MYO1D: variants seen among roughly 807,000 people sequenced by gnomAD.
MYO1D encodes the protein unconventional myosin-Id.
Under a neutral mutation model 122.0 loss-of-function variants are expected in MYO1D, and 83 were observed. That is an observed-to-expected ratio of 0.68 (90% confidence interval 0.57 to 0.82). The LOEUF (loss-of-function observed/expected upper bound fraction) is 0.82, where lower values mean the gene tolerates loss of function less well. Among genes scored for constraint, MYO1D ranks in the 40% least tolerant of loss-of-function variants. The probability of loss-of-function intolerance (pLI) is 0.00; values close to 1 mark genes in which losing one functional copy is unlikely to be tolerated. For missense variants in MYO1D, 1,157 were observed against 1,269.5 expected (o/e 0.91, Z 1.35); for synonymous variants, 464 against 446.9 (o/e 1.04, Z -0.48).
At chr17:32,524,491 C>G (rs1910270246) in intron 21 of MYO1D, among the ~76,000 whole-genome samples, 1 of 151,566 alleles carries the variant, frequency 6.6e-6, no homozygotes, top group South Asian at 2.1e-4. Flanking sequence ...CTTCTGGGTT[C>G]AAGCAATCCT....
chr17:32,840,941 C>T (rs1046615474), intron 1 of MYO1D, among the ~76,000 whole-genome samples: 1 of 152,150 alleles, frequency 6.6e-6, no homozygotes, highest in Admixed American at 6.5e-5. Context: ...ACCCATAAAA[C>T]CATTCTGTTT....
At chr17:32,629,436 T>G (rs1262063158) in intron 20 of MYO1D, among the ~76,000 whole-genome samples, 1 of 152,014 alleles carries the variant, frequency 6.6e-6, no homozygotes, top group East Asian at 1.9e-4. Flanking sequence ...GAGAATCCAC[T>G]TATATTAAAA....
chr17:32,751,809 C>T (rs1247473056), intron 11 of MYO1D, among the ~76,000 whole-genome samples: 1 of 152,126 alleles, frequency 6.6e-6, no homozygotes, highest in African/African-American at 2.4e-5. Flanking sequence ...ATACAATGCT[C>T]ATGGATTGGA....
chr17:32,553,445 G>A (rs548959549), intron 21 of MYO1D, among the ~76,000 whole-genome samples: 55 of 152,288 alleles, frequency 3.6e-4, no homozygotes, highest in Middle Eastern at 3.4e-3. Flanking sequence ...GAAGCAGTGT[G>A]TGCAATTACC....
intron 21 of MYO1D, among the ~76,000 whole-genome samples, chr17:32,560,512 T>A (rs1597897924): frequency 1.3e-5 from 1 of 79,414 alleles, no homozygotes; most frequent in Non-Finnish European, 2.6e-5. Context: ...AAAAAAAAAG[T>A]AATACCCAGA....
intron 1 of MYO1D, among the ~76,000 whole-genome samples, chr17:32,787,705 C>T (rs929486874): frequency 6.6e-5 from 10 of 152,162 alleles, no homozygotes; most frequent in South Asian, 2.1e-4. Flanking sequence ...GCGTGAGCCA[C>T]GGTGCCAGGC....
chr17:32,513,152 A>G (rs1435545872), intron 21 of MYO1D, among the ~76,000 whole-genome samples: 1 of 152,222 alleles, frequency 6.6e-6, no homozygotes, highest in Non-Finnish European at 1.5e-5. Context: ...TGTGGTATAC[A>G]GTAGGTGCTT....
At chr17:32,742,568 C>T (rs1598057228) in intron 13 of MYO1D, among the ~76,000 whole-genome samples, 1 of 152,214 alleles carries the variant, frequency 6.6e-6, no homozygotes, top group Admixed American at 6.5e-5. Context: ...CCAAATAAGG[C>T]TGTTTTTTCT....
chr17:32,780,047 A>C (rs1318054313), intron 2 of MYO1D, among the ~76,000 whole-genome samples: 1 of 152,048 alleles, frequency 6.6e-6, no homozygotes, highest in Non-Finnish European at 1.5e-5. Context: ...GTTTGGCTCC[A>C]GTCCTCAAAC....
At chr17:32,693,958 C>T (rs1353054978) in intron 16 of MYO1D, among the ~76,000 whole-genome samples, 3 of 152,180 alleles carry the variant, frequency 2.0e-5, no homozygotes, top group African/African-American at 7.2e-5. Context: ...AAGGGCTTTA[C>T]ATTTGCCAAT....
chr17:32,553,401 C>T lies in MYO1D; in HGVS notation c.2864+51686G>A, dbSNP rs369368240. Among the ~76,000 whole-genome samples, 274 of 152,214 alleles carry T rather than the reference C, an allele frequency of 1.8e-3. 1 individual carries two copies. Among genetic ancestry groups the T allele is most frequent in the African/African-American group, 6.4e-3 (264 of 41,520 alleles). Reference sequence around the variant, plus strand: ...TGGTTCCTGAAAGAGGAGTGGCTCACCAGGAAGAGCAGGGGAGAGTATTGT... The same window carrying T: ...TGGTTCCTGAAAGAGGAGTGGCTCATCAGGAAGAGCAGGGGAGAGTATTGT... On this transcript the variant is annotated intron_variant, in intron 21 of 21. Transcript: ENST00000318217.
intron 21 of MYO1D, among the ~76,000 whole-genome samples, chr17:32,566,639 A>G (rs142158364): frequency 1.3e-5 from 2 of 151,932 alleles, no homozygotes; most frequent in Non-Finnish European, 1.5e-5. Flanking sequence ...CAGTTGGGAA[A>G]ACATTTTTTG....
At chr17:32,592,496 C>A (rs966405455) in intron 21 of MYO1D, among the ~76,000 whole-genome samples, 9 of 152,144 alleles carry the variant, frequency 5.9e-5, no homozygotes, top group African/African-American at 2.2e-4. Flanking sequence ...TCTATGATTT[C>A]AGTTTTTACA....
intron 15 of MYO1D, among the ~76,000 whole-genome samples, chr17:32,716,692 G>C (rs1166845938): frequency 1.3e-5 from 2 of 152,172 alleles, no homozygotes; most frequent in Non-Finnish European, 2.9e-5. Context: ...TCATCATATG[G>C]GTAGTGCTGG....
At position 32,563,254 on chromosome 17, in the gene MYO1D, G is replaced by C. The variant is rs143874541; in HGVS notation, c.2864+41833C>G. Among the ~76,000 whole-genome samples, 209 of 129,054 alleles carry C rather than the reference G, an allele frequency of 1.6e-3. 1 individual carries two copies. The highest frequency in any genetic ancestry group is 6.1e-3 in the African/African-American group (203 of 33,274). 84.7% of individuals were successfully genotyped at this position (129,054 alleles called of 152,430 possible). A position where few individuals can be genotyped will look rare whatever the true frequency, so the allele number is the denominator to read the frequency against. On this transcript the variant is annotated intron_variant, in intron 21 of 21. Transcript: ENST00000318217. ...AGACAGAGTCTTGCTCTGTTGCCCA[G>C]GCTGGAGCGTAGTGGCACAATCCTG...
chr17:32,701,215 A>G (rs1232252345), intron 16 of MYO1D, among the ~76,000 whole-genome samples: 1 of 152,188 alleles, frequency 6.6e-6, no homozygotes, highest in Admixed American at 6.5e-5. Flanking sequence ...AAATTACCAA[A>G]ATTAATCCCA....
intron 20 of MYO1D, among the ~76,000 whole-genome samples, chr17:32,625,208 C>T (rs1371402264): frequency 6.6e-6 from 1 of 152,112 alleles, no homozygotes; most frequent in Non-Finnish European, 1.5e-5. Context: ...CACTAATCCT[C>T]AAAAGGTTAA....
intron 8 of MYO1D, 82 bp downstream of exon 8, chr17:32,764,796 G>A (rs1350898869): frequency 7.0e-7 from 1 of 1,419,246 alleles, no homozygotes; most frequent in East Asian, 2.3e-5. Context: ...TTTCAAGAAT[G>A]TCTGAATACA....
Position 32,494,000 on chromosome 17 carries a change from T to C in MYO1D, c.*759A>G, listed in dbSNP as rs916096837. Reference sequence around the variant, plus strand: ...TTAGCAACCCTGCAAACGGTGAAAGTATCTATAAGAGGACCACAGCCACAG... The same window carrying C: ...TTAGCAACCCTGCAAACGGTGAAAGCATCTATAAGAGGACCACAGCCACAG... On this transcript the variant is annotated 3_prime_UTR_variant, in exon 22 of 22. Coordinates refer to ENST00000318217, the MANE Select transcript of MYO1D (RefSeq NM_015194.3). 1 of 152,274 alleles carries C rather than the reference T, an allele frequency of 6.6e-6. No individual in the cohort carries two copies. Among genetic ancestry groups the C allele is most frequent in the Non-Finnish European group, 1.5e-5 (1 of 68,092 alleles). 9.4% of individuals were successfully genotyped at this position (152,274 alleles called of 1,614,324 possible). A position where few individuals can be genotyped will look rare whatever the true frequency, so the allele number is the denominator to read the frequency against.
Sources: gnomAD v4.1 joint callset for allele counts (sites outside exome capture counted in the v4.1 genomes callset) on GRCh38, gnomAD v4.1.1 for gene constraint, MANE v1.5 for transcripts, NCBI Gene and HGNC (gene_info 2026-07-23, HGNC 2026-07-21) for gene names.